Variants in FGF14 observed in about 807,000 individuals in gnomAD.
FGF14 encodes the protein fibroblast growth factor 14.
In FGF14, 5 loss-of-function variants were observed where a neutral mutation model predicts 25.5. That is an observed-to-expected ratio of 0.20 (90% CI 0.10 to 0.41). The LOEUF (loss-of-function observed/expected upper bound fraction) is 0.41. FGF14 is among the 10% of genes least tolerant of loss of function. The pLI, the probability that FGF14 is intolerant of heterozygous loss-of-function variation, is 1.00. For synonymous variants in FGF14, 138 were observed against 118.3 expected (o/e 1.17, Z -1.08); for missense variants, 222 against 320.1 (o/e 0.69, Z 2.34).
At chr13:102,120,276 A>C (rs1406271078) in intron 1 of FGF14, among the ~76,000 whole-genome samples, 3 of 152,362 alleles carry the variant, frequency 2.0e-5, no homozygotes, top group East Asian at 3.9e-4. Context: ...AGCCGTAAAC[A>C]ACTCAATGAA....
intron 1 of FGF14, among the ~76,000 whole-genome samples, chr13:102,166,188 AAAAAG>A (rs953366853): frequency 2.7e-5 from 4 of 147,888 alleles, no homozygotes; most frequent in Non-Finnish European, 5.9e-5. Flanking sequence ...ATTTAAAAAA[AAAAAG>A]AAAAGAAAAA....
In FGF14 at chr13:101,754,621, T is replaced by C. The variant is rs577841465; in HGVS notation, c.409-27811A>G. 1.8e-4 allele frequency among the ~76,000 whole-genome samples: 28 copies of C among 152,036 alleles called. No individual in the cohort carries two copies. In the South Asian group the frequency reaches 5.6e-3, roughly 30 times the overall value. ...GCATGCACCTGTAGTCCCAGCTACT[T>C]AGGAGGCTGAGGCGGGAGAATTGCT... On this transcript the variant is annotated intron_variant, in intron 3 of 4. Coordinates refer to ENST00000376143, the MANE Select transcript of FGF14 (RefSeq NM_004115.4).
intron 3 of FGF14, among the ~76,000 whole-genome samples, chr13:101,803,025 T>C (rs1330204343): frequency 6.6e-6 from 1 of 152,122 alleles, no homozygotes; most frequent in Non-Finnish European, 1.5e-5. Context: ...TTTCTGTATA[T>C]AGTCAGATAG....
chr13:101,779,135 C>T (rs1020998771), intron 3 of FGF14: 2 of 152,192 alleles, frequency 1.3e-5, no homozygotes, highest in South Asian at 4.1e-4. Flanking sequence ...AGATATATCA[C>T]TTAATGAAAT....
At chr13:102,250,578 T>C (rs2052118481) in intron 1 of FGF14, among the ~76,000 whole-genome samples, 1 of 152,128 alleles carries the variant, frequency 6.6e-6, no homozygotes, top group Admixed American at 6.6e-5. Flanking sequence ...AATATTATGT[T>C]CCCCTTCTGG....
chr13:102,115,967 G>T (rs188588403), intron 1 of FGF14, among the ~76,000 whole-genome samples: 5 of 151,946 alleles, frequency 3.3e-5, no homozygotes, highest in African/African-American at 1.2e-4. Flanking sequence ...AAAATTAGCC[G>T]GGCTTGGTGA....
intron 1 of FGF14, among the ~76,000 whole-genome samples, chr13:102,153,493 C>A (rs913606720): frequency 1.1e-4 from 17 of 152,140 alleles, no homozygotes; most frequent in African/African-American, 3.9e-4. Context: ...TGGGCATCAT[C>A]TCAGTGAAGC....
intron 1 of FGF14, among the ~76,000 whole-genome samples, chr13:102,262,416 T>C (rs762285420): frequency 3.3e-5 from 5 of 152,056 alleles, no homozygotes; most frequent in Non-Finnish European, 5.9e-5. Flanking sequence ...GCTCACTCTG[T>C]CCCTGTGAGG....
chr13:101,808,375 C>T (rs78284336), intron 3 of FGF14, among the ~76,000 whole-genome samples: 1,630 of 151,988 alleles, frequency 0.011, 8 homozygotes, highest in Middle Eastern at 0.02. Flanking sequence ...TCTCCATTTG[C>T]TAATCATTAT....
rs577341357 is a variant in FGF14, at chr13:101,902,794, G to A, written c.193+13659C>T. 5.9e-4 allele frequency among the ~76,000 whole-genome samples: 90 copies of A among 152,278 alleles called. 1 individual carries two copies. Among genetic ancestry groups the A allele is most frequent in the African/African-American group, 2.0e-3 (85 of 41,574 alleles). ...GGTTTTGAGAATCTGAAATTTCACT[G>A]GCTGACTGCTAATCAGAAACACATT... On this transcript the variant is annotated intron_variant, in intron 1 of 4. Coordinates refer to ENST00000376143, the MANE Select transcript of FGF14 (RefSeq NM_004115.4).
chr13:102,191,388 G>T (rs1391947941), intron 1 of FGF14, among the ~76,000 whole-genome samples: 1 of 152,188 alleles, frequency 6.6e-6, no homozygotes, highest in Non-Finnish European at 1.5e-5. Flanking sequence ...GAATGGTCCA[G>T]CATGGTGAAG....
intron 1 of FGF14, among the ~76,000 whole-genome samples, chr13:102,075,277 T>C (rs894779646): frequency 2.0e-5 from 3 of 152,212 alleles, no homozygotes; most frequent in Non-Finnish European, 4.4e-5. Flanking sequence ...ATGCTAACTA[T>C]GAACTATCAG....
At chr13:102,180,733 T>C (rs922365908) in intron 1 of FGF14, among the ~76,000 whole-genome samples, 7 of 152,200 alleles carry the variant, frequency 4.6e-5, no homozygotes, top group Admixed American at 3.9e-4. Flanking sequence ...GTATATGCTA[T>C]ATGAAACTCT....
chr13:102,042,330 A>ATC (rs1195049941), intron 1 of FGF14, among the ~76,000 whole-genome samples: 1 of 152,182 alleles, frequency 6.6e-6, no homozygotes, highest in Non-Finnish European at 1.5e-5. Context: ...AATTAGTACA[A>ATC]TCTACTCAGC....
At chr13:101,765,442 A>T (rs886723369) in intron 3 of FGF14, among the ~76,000 whole-genome samples, 1 of 152,192 alleles carries the variant, frequency 6.6e-6, no homozygotes, top group African/African-American at 2.4e-5. Flanking sequence ...TTAGGTTAAT[A>T]GTGGTAAAAA....
intron 3 of FGF14, among the ~76,000 whole-genome samples, chr13:101,770,836 C>CT (rs2038721474): frequency 6.6e-6 from 1 of 151,928 alleles, no homozygotes. Flanking sequence ...CTGCAGTGTT[C>CT]TAGGAACATT....
intron 1 of FGF14, among the ~76,000 whole-genome samples, chr13:102,128,167 T>C (rs1321004379): frequency 6.6e-6 from 1 of 152,220 alleles, no homozygotes; most frequent in African/African-American, 2.4e-5. Flanking sequence ...TCTCTGTGCC[T>C]CGGCTTTCTC....
Position 101,999,706 on chromosome 13 carries a change from TA to T in FGF14, c.209-124411del, listed in dbSNP as rs1032165191. Among the ~76,000 whole-genome samples the T allele has an allele frequency of 4.6e-5, 7 of 152,250 alleles. No homozygotes were observed. In the South Asian group the frequency reaches 1.5e-3, roughly 32 times the overall value. ...TGTCAGAGCTAAAGGAGCTGAGAGGTAAACTAACCCAAGACTCTTAATTTTA... is the reference window on the plus strand; with the variant it reads ...TGTCAGAGCTAAAGGAGCTGAGAGGTAACTAACCCAAGACTCTTAATTTTA... On this transcript the variant is annotated intron_variant, in intron 1 of 4. Coordinates refer to the FGF14 transcript ENST00000376131.
intron 1 of FGF14, among the ~76,000 whole-genome samples, chr13:101,955,829 A>G (rs2036478147): frequency 1.3e-5 from 2 of 152,260 alleles, no homozygotes; most frequent in Non-Finnish European, 2.9e-5. Context: ...ATAATCCAAG[A>G]GAGCTATTTA....
Sources: allele counts gnomAD v4.1 joint callset (sites outside exome capture counted in the v4.1 genomes callset), GRCh38; gene constraint gnomAD v4.1.1; transcripts MANE v1.5; gene names NCBI Gene and HGNC (gene_info 2026-07-23, HGNC 2026-07-21).